The following NCOR2 variants were observed in gnomAD, a reference collection of about 807,000 sequenced individuals.
NCOR2 encodes nuclear receptor corepressor 2, also known as CTG repeat protein 26.
NCOR2 carries 81 observed loss-of-function variants against 262.9 expected under a neutral mutation model. The ratio of observed to expected loss-of-function variants is 0.31; its 90% confidence interval spans 0.26 to 0.37. The LOEUF is 0.37. NCOR2 is among the 10% of genes least tolerant of loss of function. The probability of loss-of-function intolerance (pLI) is 1.00; values close to 1 mark genes in which losing one functional copy is unlikely to be tolerated. For missense variants in NCOR2, 3,385 were observed against 3,621.4 expected (o/e 0.93, Z 1.68); for synonymous variants, 1,659 against 1,559.3 (o/e 1.06, Z -1.51).
In NCOR2 at chr12:124,344,373, G is replaced by C. The variant is rs377267731; in HGVS notation, c.4714+224C>G. Among the ~76,000 whole-genome samples the C allele has an allele frequency of 1.4e-4, 22 of 152,334 alleles. No homozygotes were observed. In the East Asian group the frequency reaches 2.1e-3, roughly 15 times the overall value. ...GATTACAGCAGGAAGAGGGAGGGGC[G>C]TGGGGGAAGCTAGGTGAGACACCAC... On this transcript the variant is annotated intron_variant, in intron 32 of 46. Transcript: ENST00000405201.
At chr12:124,408,548 C>A (rs948053481) in intron 13 of NCOR2, among the ~76,000 whole-genome samples, 3 of 151,896 alleles carry the variant, frequency 2.0e-5, no homozygotes, top group Non-Finnish European at 2.9e-5. Context: ...GGAGTTCAGA[C>A]CAGCCTGGGC....
At chr12:124,512,786 C>A (rs1039981971) in intron 1 of NCOR2, among the ~76,000 whole-genome samples, 3 of 152,240 alleles carry the variant, frequency 2.0e-5, no homozygotes, top group Admixed American at 6.5e-5. Flanking sequence ...GTGGCCCCAA[C>A]ACAGTAGCCG....
chr12:124,422,129 G>A (rs957447779), intron 12 of NCOR2, among the ~76,000 whole-genome samples: 91 of 152,338 alleles, frequency 6.0e-4, no homozygotes, highest in African/African-American at 1.9e-3. Context: ...CAGGCACGTA[G>A]TGCTTCCAGA....
chr12:124,335,743 C>T (rs1296673990), intron 38 of NCOR2, 111 bp from the exon 41 acceptor site: 7 of 1,266,372 alleles, frequency 5.5e-6, no homozygotes, highest in Non-Finnish European at 7.5e-6. Flanking sequence ...AAGGGGAACC[C>T]AAGCTAGGGG....
intron 16 of NCOR2, among the ~76,000 whole-genome samples, chr12:124,387,095 G>A (rs1210880450): frequency 6.6e-6 from 1 of 152,282 alleles, no homozygotes; most frequent in Non-Finnish European, 1.5e-5. Context: ...CATAATGAAG[G>A]TTTTAACCAT....
intron 1 of NCOR2, among the ~76,000 whole-genome samples, chr12:124,486,877 C>A (rs140922634): frequency 3.9e-5 from 6 of 152,206 alleles, no homozygotes; most frequent in African/African-American, 9.6e-5. Context: ...TCTGATGGGG[C>A]TGTCTGAGGC....
intron 1 of NCOR2, chr12:124,513,462 C>A (rs972207446): frequency 6.6e-6 from 1 of 152,226 alleles, no homozygotes; most frequent in Non-Finnish European, 1.5e-5. Flanking sequence ...GGACCCGCCT[C>A]GGAAGATAGG....
Position 124,378,103 on chromosome 12 carries a change from G to T in NCOR2, c.2167+134C>A. On this transcript the variant is annotated intron_variant, in intron 18 of 46. Transcript: ENST00000405201. This position sits in a 1 kb window ranked among gnomAD's most constrained non-coding sequence, Gnocchi z 4.2. ...GCAAGTCAGGCCCGCACCTTCCAGG[G>T]AGTCGAGGCCCCTTCTAAGGAGGAC... 1 of 1,493,088 alleles carries T rather than the reference G, an allele frequency of 6.7e-7. No individual in the cohort carries two copies. The highest frequency in any genetic ancestry group is 2.3e-5 in the East Asian group (1 of 43,678). The allele number at this position is 1,493,088 out of a possible 1,614,324, so 92.5% of individuals were successfully genotyped here.
chr12:124,381,572 G>A (rs1467426477), intron 17 of NCOR2, among the ~76,000 whole-genome samples: 1 of 152,226 alleles, frequency 6.6e-6, no homozygotes, highest in African/African-American at 2.4e-5. Context: ...GTCTTTAGAT[G>A]AATGAACCTG....
At chr12:124,455,541 G>A (rs2045798641) in intron 6 of NCOR2, among the ~76,000 whole-genome samples, 1 of 152,228 alleles carries the variant, frequency 6.6e-6, no homozygotes, top group Non-Finnish European at 1.5e-5. Flanking sequence ...CCCGGGGCTT[G>A]TAGTTCCTGA....
intron 13 of NCOR2, among the ~76,000 whole-genome samples, chr12:124,418,254 G>A (rs914390849): frequency 2.0e-5 from 3 of 152,102 alleles, no homozygotes; most frequent in Non-Finnish European, 2.9e-5. Context: ...CGATCCCTGC[G>A]GATAAGGACC....
intron 30 of NCOR2, 62 bp downstream of exon 32, chr12:124,347,763 C>T: frequency 1.3e-6 from 2 of 1,513,612 alleles, no homozygotes; most frequent in Non-Finnish European, 1.8e-6. Flanking sequence ...TCTCTCCCTC[C>T]CGCGCCCTGC....
chr12:124,441,459 ATCTTTC>A (rs1332630079), intron 7 of NCOR2, among the ~76,000 whole-genome samples: 1 of 152,230 alleles, frequency 6.6e-6, no homozygotes, highest in Admixed American at 6.5e-5. Context: ...GAAGGGACAG[ATCTTTC>A]TTCTAGAGTT....
intron 22 of NCOR2, among the ~76,000 whole-genome samples, chr12:124,359,720 C>A (rs1377100815): frequency 6.6e-6 from 1 of 152,196 alleles, no homozygotes; most frequent in Non-Finnish European, 1.5e-5. Flanking sequence ...CAAACTGGGG[C>A]TAGGCCAGGC....
At chr12:124,527,756 C>T (rs1303220583) in intron 1 of NCOR2, among the ~76,000 whole-genome samples, 3 of 152,308 alleles carry the variant, frequency 2.0e-5, no homozygotes, top group East Asian at 3.9e-4. Context: ...AAGTGTGACA[C>T]AAGGACGATC....
intron 7 of NCOR2, 150 bp downstream of exon 9, chr12:124,449,665 T>A: frequency 1.5e-5 from 9 of 584,330 alleles, no homozygotes; most frequent in African/African-American, 4.1e-5. Flanking sequence ...CACCTAGGAC[T>A]GTCTCCTGTC....
At chr12:124,337,635 G>C (rs1013131529) in intron 37 of NCOR2, among the ~76,000 whole-genome samples, 1 of 152,222 alleles carries the variant, frequency 6.6e-6, no homozygotes. Context: ...ACATGAGGGA[G>C]CTGGGCCTGC....
At chr12:124,430,880 G>C in intron 8 of NCOR2, 93 bp from the exon 11 acceptor site, 1 of 1,459,196 alleles carries the variant, frequency 6.9e-7, no homozygotes, top group Non-Finnish European at 9.2e-7. Flanking sequence ...AGACACACAG[G>C]TGCGTGCGCA....
chr12:124,460,426 G>C (rs1054516262), intron 5 of NCOR2, among the ~76,000 whole-genome samples: 2 of 152,246 alleles, frequency 1.3e-5, no homozygotes, highest in African/African-American at 4.8e-5. Context: ...ACCAGGACCA[G>C]AAGAGGCCAG....
Sources: allele counts gnomAD v4.1 joint callset (sites outside exome capture counted in the v4.1 genomes callset), GRCh38; gene constraint gnomAD v4.1.1; non-coding constraint Gnocchi (gnomAD v3.1); transcripts MANE v1.5; gene names NCBI Gene and HGNC (gene_info 2026-07-23, HGNC 2026-07-21).